The following THADA variants were observed in gnomAD, a reference collection of about 807,000 sequenced individuals.
THADA encodes the protein tRNA (32-2'-O)-methyltransferase regulator THADA.
A neutral mutation model predicts 219.8 loss-of-function variants in THADA; 213 were observed. The observed-to-expected ratio is 0.97, with a 90% CI of 0.87 to 1.09. The LOEUF (loss-of-function observed/expected upper bound fraction) is 1.09. Among genes scored for constraint, THADA ranks in the 50% least tolerant of loss-of-function variants. The pLI is 0.00. For missense variants in THADA, 2,956 were observed against 2,311.3 expected, an observed-to-expected ratio of 1.28 and a Z score of -5.72; for synonymous variants, 1,018 against 828.9, an observed-to-expected ratio of 1.23 and a Z score of -3.92.
intron 25 of THADA, among the ~76,000 whole-genome samples, chr2:43,489,570 G>A (rs944761366): frequency 6.6e-6 from 1 of 151,958 alleles, no homozygotes; most frequent in African/African-American, 2.4e-5. Context: ...GTATGAGATG[G>A]GGATCACATT....
At chr2:43,316,973 T>C (rs1023650994) in intron 31 of THADA, among the ~76,000 whole-genome samples, 3 of 152,258 alleles carry the variant, frequency 2.0e-5, no homozygotes, top group Admixed American at 1.3e-4. Flanking sequence ...GCATTTATTC[T>C]GTGCCATGCA....
intron 20 of THADA, among the ~76,000 whole-genome samples, chr2:43,547,368 T>G (rs892432138): frequency 2.3e-4 from 35 of 152,192 alleles, no homozygotes; most frequent in Non-Finnish European, 4.1e-4. Context: ...TTCTCAAGGA[T>G]TATCTTTGTG....
intron 29 of THADA, among the ~76,000 whole-genome samples, chr2:43,387,541 C>T (rs2104679502): frequency 6.6e-6 from 1 of 150,696 alleles, no homozygotes; most frequent in Non-Finnish European, 1.5e-5. Context: ...GGAATGGTTT[C>T]TTTGGTGGTT....
chr2:43,551,738 G>C, intron 19 of THADA, 51 bp downstream of exon 19: 1 of 1,524,760 alleles, frequency 6.6e-7, no homozygotes, highest in Non-Finnish European at 8.8e-7. Flanking sequence ...AAGAGGTAAA[G>C]ACATAATAAT....
chr2:43,434,538 A>G (rs561571178), intron 26 of THADA, among the ~76,000 whole-genome samples: 10 of 152,288 alleles, frequency 6.6e-5, no homozygotes, highest in East Asian at 1.9e-4. Context: ...AGAGGGGCAC[A>G]TGGGCGGAGG....
chr2:43,308,728 AAATGGT>A (rs1254669419), intron 31 of THADA, among the ~76,000 whole-genome samples: 1 of 150,568 alleles, frequency 6.6e-6, no homozygotes, highest in Non-Finnish European at 1.5e-5. Flanking sequence ...AACAAACAAA[AAATGGT>A]GCTGAAACAT....
rs1201973154 is a variant in THADA at position 43,231,105 on chromosome 2, G to C, written c.5705C>G (p.Thr1902Arg). 3.1e-6 allele frequency: 5 copies of C among 1,613,812 alleles called. No individual in the cohort carries two copies. Among genetic ancestry groups the C allele is most frequent in the African/African-American group, 2.7e-5 (2 of 74,914 alleles). ...AAEFVKTVEF[T>R]RLRIQEERTL... The stretch of plus-strand genomic sequence containing the variant: ...CCTTTCCTCTTGAATGCGTAGTCTT[G>C]TGAACTCCACTGTCTTCACAAACTC... Residue 1902 changes from threonine to arginine, a missense_variant, in exon 38 of 38, where the codon ACA becomes AGA. Thr to Arg is a moderately conservative substitution (Grantham distance 71). Transcript: ENST00000405975.
At chr2:43,571,456 T>A (rs990718953) in intron 13 of THADA, among the ~76,000 whole-genome samples, 1 of 151,918 alleles carries the variant, frequency 6.6e-6, no homozygotes, top group Non-Finnish European at 1.5e-5. Flanking sequence ...TTGACTGTGT[T>A]GCCCAGGCTG....
chr2:43,595,157 T>C (rs1253002428), intron 1 of THADA, among the ~76,000 whole-genome samples: 1 of 152,212 alleles, frequency 6.6e-6, no homozygotes, highest in Non-Finnish European at 1.5e-5. Flanking sequence ...GATATATGTC[T>C]TTAAGGGCAG....
At chr2:43,491,760 A>C (rs931719467) in intron 25 of THADA, among the ~76,000 whole-genome samples, 6 of 152,162 alleles carry the variant, frequency 3.9e-5, no homozygotes, top group Admixed American at 1.3e-4. Context: ...AAATTCCCAA[A>C]CAACAGATTT....
chr2:43,495,182 TA>T (rs1465150762), intron 25 of THADA, among the ~76,000 whole-genome samples: 1 of 152,184 alleles, frequency 6.6e-6, no homozygotes, highest in Admixed American at 6.5e-5. Flanking sequence ...TCACATCCAT[TA>T]AATAGGTTGA....
chr2:43,359,901 G>A (rs980054063), intron 29 of THADA, among the ~76,000 whole-genome samples: 15 of 151,544 alleles, frequency 9.9e-5, no homozygotes, highest in Non-Finnish European at 1.3e-4. Flanking sequence ...TGGGACTACA[G>A]GCATGTGCTA....
intron 29 of THADA, among the ~76,000 whole-genome samples, chr2:43,380,545 T>C (rs779750941): frequency 4.9e-4 from 75 of 152,166 alleles, no homozygotes; most frequent in Non-Finnish European, 9.1e-4. Context: ...TTAGCTTAAA[T>C]ACAGTTGCAG....
chr2:43,352,046 T>C (rs1668335229), intron 29 of THADA, among the ~76,000 whole-genome samples: 1 of 152,216 alleles, frequency 6.6e-6, no homozygotes. Flanking sequence ...ACATAATACC[T>C]GCTCTAACTA....
chr2:43,304,748 C>G (rs1211953912), intron 31 of THADA, among the ~76,000 whole-genome samples: 1 of 151,620 alleles, frequency 6.6e-6, no homozygotes, highest in Non-Finnish European at 1.5e-5. Context: ...CTCGGCTCAC[C>G]GCAACCTCCG....
At chr2:43,434,503 C>CA (rs1228599358) in intron 26 of THADA, among the ~76,000 whole-genome samples, 2 of 152,208 alleles carry the variant, frequency 1.3e-5, no homozygotes, top group African/African-American at 4.8e-5. Context: ...CCCTAGCACG[C>CA]AGGCACACAA....
chr2:43,570,665 A>AT, intron 13 of THADA, 155 bp from the exon 14 acceptor site: 1 of 820,596 alleles, frequency 1.2e-6, no homozygotes, highest in Non-Finnish European at 1.8e-6. Flanking sequence ...ACAGAAAATA[A>AT]TTTTTATACC....
At chr2:43,350,942 G>A (rs1213437307) in intron 29 of THADA, among the ~76,000 whole-genome samples, 23 of 152,176 alleles carry the variant, frequency 1.5e-4, no homozygotes, top group Admixed American at 1.5e-3. Context: ...TTTGGGGAGA[G>A]AATCACAGGA....
intron 26 of THADA, among the ~76,000 whole-genome samples, chr2:43,460,693 G>T (rs946233531): frequency 8.5e-5 from 13 of 152,158 alleles, no homozygotes; most frequent in African/African-American, 3.1e-4. Flanking sequence ...AGACAGAAAT[G>T]AATGGGAAAA....
Sources: allele counts gnomAD v4.1 joint callset (sites outside exome capture counted in the v4.1 genomes callset), GRCh38; gene constraint gnomAD v4.1.1; transcripts MANE v1.5; gene names NCBI Gene and HGNC (gene_info 2026-07-23, HGNC 2026-07-21).